The following CSMD1 variants were observed in gnomAD, a reference collection of about 807,000 sequenced individuals.
CSMD1 encodes the protein CUB and Sushi multiple domains 1, also known as CUB and sushi domain-containing protein 1.
CSMD1 carries 213 observed loss-of-function variants against 417.5 expected under a neutral mutation model. The observed-to-expected ratio is 0.51, with a 90% confidence interval of 0.46 to 0.57. CSMD1 has a LOEUF of 0.57. Among genes scored for constraint, CSMD1 ranks in the 20% least tolerant of loss-of-function variants. The pLI, the probability that CSMD1 is intolerant of heterozygous loss-of-function variation, is 0.00. For missense variants in CSMD1, 6,923 were observed against 4,529.7 expected (o/e 1.53, Z -15.17); for synonymous variants, 2,862 against 1,736.8 (o/e 1.65, Z -16.11).
chr8:3,454,696 G>A (rs1453677561), intron 12 of CSMD1, among the ~76,000 whole-genome samples: 2 of 152,158 alleles, frequency 1.3e-5, no homozygotes, highest in Admixed American at 1.3e-4. Context: ...TTAGTCTGAT[G>A]GGCTTCCCCT....
intron 2 of CSMD1, among the ~76,000 whole-genome samples, chr8:4,518,969 A>G (rs1356807817): frequency 6.6e-6 from 1 of 152,058 alleles, no homozygotes; most frequent in Admixed American, 6.6e-5. Context: ...TTTAATTGCA[A>G]AGAGACTCCC....
At chr8:3,280,993 A>G (rs929828352) in intron 26 of CSMD1, among the ~76,000 whole-genome samples, 10 of 152,224 alleles carry the variant, frequency 6.6e-5, no homozygotes, top group African/African-American at 2.2e-4. Context: ...AATGAAGTAC[A>G]TTCTTTCCAC....
chr8:3,307,423 T>C (rs902644678), intron 25 of CSMD1, among the ~76,000 whole-genome samples: 3 of 152,160 alleles, frequency 2.0e-5, no homozygotes, highest in African/African-American at 7.2e-5. Flanking sequence ...GATGTTTTTT[T>C]TCAGCTACTA....
At chr8:4,377,442 T>G (rs962464918) in intron 3 of CSMD1, among the ~76,000 whole-genome samples, 2 of 152,188 alleles carry the variant, frequency 1.3e-5, no homozygotes, top group Non-Finnish European at 2.9e-5. Flanking sequence ...AGAGGTTAAA[T>G]TGATTTTTTC....
intron 1 of CSMD1, among the ~76,000 whole-genome samples, chr8:4,919,739 G>C (rs1563765581): frequency 6.6e-6 from 1 of 152,152 alleles, no homozygotes; most frequent in African/African-American, 2.4e-5. Context: ...TGGAAGCTGG[G>C]CCTAGAATAA....
intron 1 of CSMD1, among the ~76,000 whole-genome samples, chr8:4,835,070 C>T (rs887898263): frequency 1.3e-5 from 2 of 149,800 alleles, no homozygotes; most frequent in Non-Finnish European, 3.0e-5. Flanking sequence ...CAAACAAAAG[C>T]GTTTCTTCAC....
At chr8:4,045,795 C>G (rs900106707) in intron 3 of CSMD1, among the ~76,000 whole-genome samples, 2 of 152,168 alleles carry the variant, frequency 1.3e-5, no homozygotes, top group Non-Finnish European at 2.9e-5. Flanking sequence ...TATTTCCAGA[C>G]ATTGTGAGAC....
At chr8:4,334,659 G>A (rs1800064637) in intron 3 of CSMD1, among the ~76,000 whole-genome samples, 1 of 152,112 alleles carries the variant, frequency 6.6e-6, no homozygotes, top group South Asian at 2.1e-4. Context: ...TCTATGGTTA[G>A]AGAAGCTGTA....
intron 6 of CSMD1, among the ~76,000 whole-genome samples, chr8:3,729,375 G>A (rs538313920): frequency 1.3e-5 from 2 of 152,228 alleles, no homozygotes; most frequent in South Asian, 2.1e-4. Flanking sequence ...CACTCGCCTT[G>A]GGCTCAGTTG....
chr8:3,058,581 C>G (rs992486732), intron 49 of CSMD1, among the ~76,000 whole-genome samples: 5 of 152,132 alleles, frequency 3.3e-5, no homozygotes, highest in Admixed American at 3.3e-4. Context: ...CAATAAATAC[C>G]AGGCCTCTAG....
intron 54 of CSMD1, among the ~76,000 whole-genome samples, chr8:2,984,164 C>G (rs547543691): frequency 6.6e-5 from 10 of 152,068 alleles, no homozygotes; most frequent in African/African-American, 2.4e-4. Context: ...AGAGACCATC[C>G]GTTTATGTCG....
rs114703036 is a variant in CSMD1 at position 3,302,670 on chromosome 8, C to G, written c.3950+5025G>C. Among the ~76,000 whole-genome samples, 781 of 152,278 alleles carry G rather than the reference C, an allele frequency of 5.1e-3. 6 individuals carry two copies. The highest frequency in any genetic ancestry group is 0.017 in the African/African-American group (710 of 41,548). ...CAGGCACCCTGTGAGCAGTCACCAG[C>G]AGATGTTGAAAGAGGAGATGTGATC... On this transcript the variant is annotated intron_variant, in intron 25 of 69. Transcript: ENST00000635120.
At chr8:4,301,690 T>C (rs771520094) in intron 3 of CSMD1, among the ~76,000 whole-genome samples, 1 of 152,232 alleles carries the variant, frequency 6.6e-6, no homozygotes, top group Non-Finnish European at 1.5e-5. Context: ...ACCAGATTAT[T>C]ATTTTTCTTG....
chr8:3,489,761 G>C (rs1444153573), intron 11 of CSMD1, among the ~76,000 whole-genome samples: 1 of 152,118 alleles, frequency 6.6e-6, no homozygotes, highest in African/African-American at 2.4e-5. Context: ...TTTAGGGTGA[G>C]CTATATAGTT....
At chr8:3,238,791 A>T (rs2116955358) in intron 26 of CSMD1, among the ~76,000 whole-genome samples, 1 of 152,350 alleles carries the variant, frequency 6.6e-6, no homozygotes, top group Middle Eastern at 3.4e-3. Flanking sequence ...CCTTGCCAGC[A>T]AAGATTATTT....
chr8:4,094,826 A>T (rs760555040), intron 3 of CSMD1, among the ~76,000 whole-genome samples: 12 of 152,196 alleles, frequency 7.9e-5, no homozygotes, highest in Non-Finnish European at 1.5e-4. Flanking sequence ...AACGCTTATC[A>T]AGGAAATAAA....
At chr8:3,443,566 G>C (rs1209248119) in intron 12 of CSMD1, among the ~76,000 whole-genome samples, 1 of 152,180 alleles carries the variant, frequency 6.6e-6, no homozygotes, top group Non-Finnish European at 1.5e-5. Context: ...GGGGGAAAGT[G>C]AAACAGTTTA....
intron 5 of CSMD1, among the ~76,000 whole-genome samples, chr8:3,912,347 A>T (rs1466324949): frequency 1.3e-5 from 2 of 152,154 alleles, no homozygotes; most frequent in Non-Finnish European, 2.9e-5. Flanking sequence ...TTCAGTCAAA[A>T]CATGTATTTA....
chr8:4,934,969 T>C (rs78054838), intron 1 of CSMD1, among the ~76,000 whole-genome samples: 5,268 of 152,320 alleles, frequency 0.035, 126 homozygotes, highest in Non-Finnish European at 0.054. Context: ...CCTATATCTA[T>C]CATCTATCAA....
Sources: allele counts gnomAD v4.1 joint callset (sites outside exome capture counted in the v4.1 genomes callset), GRCh38; gene constraint gnomAD v4.1.1; transcripts MANE v1.5; gene names NCBI Gene and HGNC (gene_info 2026-07-23, HGNC 2026-07-21).